The following CNTN4 variants were observed in gnomAD, a reference collection of about 807,000 sequenced individuals.
CNTN4 encodes contactin 4.
A neutral mutation model predicts 122.5 loss-of-function variants in CNTN4; 77 were observed. That is an observed-to-expected ratio of 0.63 (90% CI 0.52 to 0.76). CNTN4 has a LOEUF of 0.76. Ranked by LOEUF, CNTN4 falls within the 30% of genes least tolerant of loss-of-function variation. The probability of loss-of-function intolerance (pLI) is 0.00; values close to 1 mark genes in which losing one functional copy is unlikely to be tolerated. For synonymous variants in CNTN4, 512 were observed against 447.0 expected (o/e 1.15, Z -1.83); for missense variants, 1,256 against 1,259.1 (o/e 1.00, Z 0.04).
chr3:2,964,324 A>G (rs1253792157), intron 13 of CNTN4, among the ~76,000 whole-genome samples: 1 of 152,228 alleles, frequency 6.6e-6, no homozygotes, highest in Non-Finnish European at 1.5e-5. Flanking sequence ...CTAGCAATTT[A>G]CTAGGGCCAT....
chr3:2,773,030 A>C (rs764159631), intron 6 of CNTN4, among the ~76,000 whole-genome samples: 9 of 152,328 alleles, frequency 5.9e-5, no homozygotes, highest in Admixed American at 5.2e-4. Flanking sequence ...ATCTGGCAAC[A>C]TGGAATTGAC....
rs752243896 is a variant in CNTN4 at position 3,037,179 on chromosome 3, T to C, written c.1943T>C (p.Val648Ala). 6.2e-7 allele frequency: 1 copy of C among 1,614,180 alleles called. No individual in the cohort carries two copies. Among genetic ancestry groups the C allele is most frequent in the Non-Finnish European group, 8.5e-7 (1 of 1,180,006 alleles). ...FSVGWQAVST[V>A]PELIDGKTFT... ...GCCCCCACCTTTTGTTGTCTTTCAG[T>C]CCCAGAACTCATTGATGGGAAGACA... The change falls in exon 18 of 25, where the codon GTC (valine) becomes GCC (alanine). Residue 648 changes from valine to alanine, a missense_variant and splice_region_variant. Val to Ala is a moderately conservative substitution (Grantham distance 64). Transcript: ENST00000418658.
rs550658447 is a variant in CNTN4 at position 2,465,326 on chromosome 3, T to A, written c.-88-106090T>A. Among the ~76,000 whole-genome samples the A allele has an allele frequency of 2.0e-5, 3 of 152,262 alleles. No individual in the cohort carries two copies. The South Asian group carries it at 6.2e-4, about 32-fold the overall frequency. On this transcript the variant is annotated intron_variant, in intron 3 of 24. Transcript: ENST00000418658. ...AGTTGATTTCTCTCTTTTAAAACTTTTAAATTTCAGCAAAGATCTGAAAAA... is the reference window on the plus strand; with the variant it reads ...AGTTGATTTCTCTCTTTTAAAACTTATAAATTTCAGCAAAGATCTGAAAAA...
intron 4 of CNTN4, among the ~76,000 whole-genome samples, chr3:2,681,727 G>A (rs1020485326): frequency 6.6e-6 from 1 of 151,718 alleles, no homozygotes; most frequent in Non-Finnish European, 1.5e-5. Context: ...ATATATATAT[G>A]TAGAAATATT....
intron 4 of CNTN4, among the ~76,000 whole-genome samples, chr3:2,632,286 CA>C (rs2082477928): frequency 6.6e-6 from 1 of 152,086 alleles, no homozygotes; most frequent in Non-Finnish European, 1.5e-5. Context: ...AATTGGTTTT[CA>C]AAACCTTTTA....
chr3:2,549,665 T>G (rs1428604847), intron 3 of CNTN4, among the ~76,000 whole-genome samples: 3 of 152,162 alleles, frequency 2.0e-5, no homozygotes, highest in African/African-American at 7.2e-5. Context: ...ATTTTCTTTT[T>G]TGTGTTTGTC....
intron 3 of CNTN4, among the ~76,000 whole-genome samples, chr3:2,345,693 A>T (rs951182795): frequency 1.3e-5 from 2 of 152,162 alleles, no homozygotes; most frequent in African/African-American, 4.8e-5. Context: ...AAGTAGAAAA[A>T]ATACATATTG....
At chr3:2,701,960 C>G (rs902408730) in intron 4 of CNTN4, among the ~76,000 whole-genome samples, 12 of 152,120 alleles carry the variant, frequency 7.9e-5, no homozygotes, top group Non-Finnish European at 1.8e-4. Context: ...CATGAGTTCT[C>G]CAAAATTATG....
At chr3:2,218,016 C>CA (rs1048678170) in intron 2 of CNTN4, among the ~76,000 whole-genome samples, 1 of 151,990 alleles carries the variant, frequency 6.6e-6, no homozygotes, top group Non-Finnish European at 1.5e-5. Flanking sequence ...GTATTTCTGA[C>CA]AAAAAATCAT....
intron 3 of CNTN4, among the ~76,000 whole-genome samples, chr3:2,478,950 T>A (rs927051940): frequency 6.6e-6 from 1 of 152,132 alleles, no homozygotes; most frequent in Non-Finnish European, 1.5e-5. Flanking sequence ...AATATCTTGA[T>A]CACAGCTTTG....
chr3:2,461,182 C>T (rs2049192455), intron 3 of CNTN4, among the ~76,000 whole-genome samples: 1 of 152,042 alleles, frequency 6.6e-6, no homozygotes, highest in African/African-American at 2.4e-5. Context: ...TGGTCATTTC[C>T]CCTGTCTGTG....
intron 6 of CNTN4, among the ~76,000 whole-genome samples, chr3:2,746,729 C>A (rs1326115676): frequency 1.3e-5 from 2 of 152,112 alleles, no homozygotes; most frequent in Non-Finnish European, 2.9e-5. Flanking sequence ...CATTTGGTGG[C>A]ATTTTTATAA....
At chr3:2,938,150 G>T (rs989073128) in intron 13 of CNTN4, among the ~76,000 whole-genome samples, 3 of 152,130 alleles carry the variant, frequency 2.0e-5, no homozygotes, top group Admixed American at 2.0e-4. Context: ...TTGATCTCTC[G>T]TTATATCACT....
intron 2 of CNTN4, among the ~76,000 whole-genome samples, chr3:2,117,053 T>C (rs1476455021): frequency 6.6e-6 from 1 of 152,136 alleles, no homozygotes; most frequent in Non-Finnish European, 1.5e-5. Flanking sequence ...GTACTGACAC[T>C]CTCTACTTAG....
chr3:2,516,041 C>T (rs1371551479), intron 3 of CNTN4, among the ~76,000 whole-genome samples: 1 of 151,958 alleles, frequency 6.6e-6, no homozygotes, highest in African/African-American at 2.4e-5. Flanking sequence ...AGTGTTATGA[C>T]AGCTTTTAAA....
intron 7 of CNTN4, among the ~76,000 whole-genome samples, chr3:2,821,210 G>A (rs1298335529): frequency 6.6e-6 from 1 of 151,960 alleles, no homozygotes; most frequent in African/African-American, 2.4e-5. Flanking sequence ...ACCCACCTTG[G>A]CCTCCCAAAG....
At chr3:3,007,817 G>A (rs150238859) in intron 14 of CNTN4, among the ~76,000 whole-genome samples, 4 of 152,250 alleles carry the variant, frequency 2.6e-5, no homozygotes, top group South Asian at 4.2e-4. Flanking sequence ...AGTGACACTG[G>A]GCTATCATAT....
In CNTN4 at chr3:2,465,786, G is replaced by T. The variant is rs192787950; in HGVS notation, c.-88-105630G>T. Among the ~76,000 whole-genome samples the T allele has an allele frequency of 3.3e-5, 5 of 152,336 alleles. No individual in the cohort carries two copies. The East Asian group carries it at 7.7e-4, about 23-fold the overall frequency. The stretch of plus-strand genomic sequence containing the variant: ...TTTTCTTGAAGCTTGAAACCTCTCA[G>T]TTTCTGCCTTGGATCAGATGATATC... On this transcript the variant is annotated intron_variant, in intron 3 of 24. Coordinates refer to ENST00000418658, the MANE Select transcript of CNTN4 (RefSeq NM_175607.3).
intron 2 of CNTN4, among the ~76,000 whole-genome samples, chr3:2,241,813 T>C (rs2039953726): frequency 1.3e-5 from 2 of 152,328 alleles, no homozygotes; most frequent in African/African-American, 4.8e-5. Flanking sequence ...TAAAACGGTA[T>C]GCCAGACAAG....
Sources: allele counts gnomAD v4.1 joint callset (sites outside exome capture counted in the v4.1 genomes callset), GRCh38; gene constraint gnomAD v4.1.1; transcripts MANE v1.5; gene names NCBI Gene and HGNC (gene_info 2026-07-23, HGNC 2026-07-21).